Variants in NEGR1 observed in about 807,000 individuals in gnomAD.
NEGR1 encodes the protein IgLON family member 4.
NEGR1 carries 10 observed loss-of-function variants against 40.9 expected under a neutral mutation model. The observed-to-expected ratio is 0.24, with a 90% CI of 0.15 to 0.42. The LOEUF is 0.42. NEGR1 is among the 10% of genes least tolerant of loss of function. The pLI is 1.00. For missense variants in NEGR1, 352 were observed against 438.9 expected, an observed-to-expected ratio of 0.80 and a Z score of 1.77; for synonymous variants, 185 against 166.8, an observed-to-expected ratio of 1.11 and a Z score of -0.84.
At chr1:71,467,844 C>T (rs1413750951) in intron 6 of NEGR1, among the ~76,000 whole-genome samples, 7 of 151,990 alleles carry the variant, frequency 4.6e-5, no homozygotes, top group East Asian at 1.9e-4. Context: ...AAATCATCCT[C>T]ATAAATCAAA....
intron 1 of NEGR1, among the ~76,000 whole-genome samples, chr1:72,132,898 A>T (rs532597143): frequency 6.6e-6 from 1 of 152,208 alleles, no homozygotes; most frequent in African/African-American, 2.4e-5. Flanking sequence ...TTCCATATTA[A>T]ACAGTTGTGT....
At chr1:72,053,280 T>C (rs1251370144) in intron 1 of NEGR1, among the ~76,000 whole-genome samples, 1 of 151,156 alleles carries the variant, frequency 6.6e-6, no homozygotes, top group Non-Finnish European at 1.5e-5. Context: ...TGTCATCTTA[T>C]TCATTGCTTA....
rs901348964 is a variant in NEGR1, at chr1:72,244,356, C to A, written c.176+37963G>T. On this transcript the variant is annotated intron_variant, in intron 1 of 6. Coordinates refer to ENST00000357731, the MANE Select transcript of NEGR1 (RefSeq NM_173808.3). ...TCTTTCCTATCTATACAGGATGGTA[C>A]ATAATTCAGGATATTTCTACCCAAC... Among the ~76,000 whole-genome samples, 5 of 151,852 alleles carry A rather than the reference C, an allele frequency of 3.3e-5. No homozygotes were observed. The South Asian group carries it at 6.2e-4, about 19-fold the overall frequency.
chr1:71,937,170 A>G (rs1645913779), intron 1 of NEGR1, among the ~76,000 whole-genome samples: 3 of 152,190 alleles, frequency 2.0e-5, no homozygotes, highest in Admixed American at 6.6e-5. Flanking sequence ...TTTGCCATCT[A>G]CAGAAACCAA....
Position 72,115,491 on chromosome 1 carries a change from G to C in NEGR1, c.176+166828C>G, listed in dbSNP as rs1187340850. 2.0e-5 allele frequency among the ~76,000 whole-genome samples: 3 copies of C among 151,800 alleles called. No homozygotes were observed. The East Asian group carries it at 5.8e-4, about 30-fold the overall frequency. On this transcript the variant is annotated intron_variant, in intron 1 of 6. Transcript: ENST00000357731. ...CTCTGTAATCTTGTTAAGGCCATTG[G>C]AACACTAGTGCCAGTGATTCAGAAG...
rs571334439 is a variant in NEGR1, at chr1:71,978,525, C to T, written c.177-43214G>A. On this transcript the variant is annotated intron_variant, in intron 1 of 6. Coordinates refer to ENST00000357731, the MANE Select transcript of NEGR1 (RefSeq NM_173808.3). ...CTACCAAACTCAATTCAAAAAGCAA[C>T]CCCATTAAAAAGTGGGCAAAGGACA... 7.1e-4 allele frequency among the ~76,000 whole-genome samples: 108 copies of T among 152,110 alleles called. 1 individual carries two copies. The highest frequency in any genetic ancestry group is 2.6e-3 in the African/African-American group (106 of 41,504).
chr1:71,897,961 G>T (rs1661018070), intron 2 of NEGR1, among the ~76,000 whole-genome samples: 1 of 152,062 alleles, frequency 6.6e-6, no homozygotes, highest in Non-Finnish European at 1.5e-5. Context: ...TATAGTTTTG[G>T]TTCCTTTAGA....
intron 6 of NEGR1, chr1:71,573,369 T>C (rs958433240): frequency 1.3e-5 from 2 of 152,256 alleles, no homozygotes; most frequent in African/African-American, 4.8e-5. Flanking sequence ...TCAATGTTGA[T>C]TTTAGGCTAA....
At chr1:71,900,870 C>T (rs1214286741) in intron 2 of NEGR1, among the ~76,000 whole-genome samples, 1 of 152,154 alleles carries the variant, frequency 6.6e-6, no homozygotes, top group Non-Finnish European at 1.5e-5. Context: ...GAAACAAGAT[C>T]TGTTAGTAGG....
chr1:71,488,640 T>C (rs1215786244), intron 6 of NEGR1, among the ~76,000 whole-genome samples: 1 of 151,712 alleles, frequency 6.6e-6, no homozygotes, highest in Non-Finnish European at 1.5e-5. Context: ...TTAGCTATAT[T>C]ATCCAAATAT....
intron 1 of NEGR1, among the ~76,000 whole-genome samples, chr1:72,016,344 G>A (rs1461854353): frequency 6.6e-6 from 1 of 152,124 alleles, no homozygotes; most frequent in African/African-American, 2.4e-5. Flanking sequence ...AGACAGAGAA[G>A]CTAAGGATTA....
At chr1:71,741,833 T>C (rs1395292237) in intron 3 of NEGR1, among the ~76,000 whole-genome samples, 2 of 152,136 alleles carry the variant, frequency 1.3e-5, no homozygotes, top group Non-Finnish European at 2.9e-5. Flanking sequence ...ACACTTTACA[T>C]GGCTAGAGCG....
chr1:71,841,747 A>G (rs1659246919), intron 2 of NEGR1, among the ~76,000 whole-genome samples: 1 of 152,182 alleles, frequency 6.6e-6, no homozygotes, highest in Non-Finnish European at 1.5e-5. Flanking sequence ...TCGTAGAAAT[A>G]CAATTCTTGC....
intron 3 of NEGR1, among the ~76,000 whole-genome samples, chr1:71,771,287 G>A (rs543987573): frequency 6.6e-6 from 1 of 152,186 alleles, no homozygotes; most frequent in South Asian, 2.1e-4. Context: ...ATCACACACT[G>A]GGGCCTGTCA....
At chr1:72,088,796 CTTTTTTTTTTT>C (rs71074816) in intron 1 of NEGR1, among the ~76,000 whole-genome samples, 4 of 74,906 alleles carry the variant, frequency 5.3e-5, no homozygotes, top group East Asian at 1.4e-3. Flanking sequence ...CTCTCTCTCT[CTTTTTTTTTTT>C]TTTTTTTTTT....
chr1:71,911,659 A>C (rs563100255), intron 2 of NEGR1, among the ~76,000 whole-genome samples: 1 of 152,330 alleles, frequency 6.6e-6, no homozygotes, highest in East Asian at 1.9e-4. Flanking sequence ...AGCTGGAATT[A>C]GGATCTTTAG....
intron 1 of NEGR1, among the ~76,000 whole-genome samples, chr1:72,025,637 G>A (rs1646800713): frequency 6.6e-6 from 1 of 152,106 alleles, no homozygotes; most frequent in Admixed American, 6.5e-5. Context: ...TGATGGAATA[G>A]GGAAAATAAA....
intron 1 of NEGR1, among the ~76,000 whole-genome samples, chr1:72,173,646 G>GA (rs1485142604): frequency 6.6e-6 from 1 of 151,834 alleles, no homozygotes; most frequent in Non-Finnish European, 1.5e-5. Context: ...AAGGATAGAT[G>GA]AAAATAATAT....
chr1:71,886,726 C>T lies in NEGR1; in HGVS notation c.409+48353G>A, dbSNP rs531947609. 2.6e-5 allele frequency among the ~76,000 whole-genome samples: 4 copies of T among 152,208 alleles called. No individual in the cohort carries two copies. The East Asian group carries it at 5.8e-4, about 22-fold the overall frequency. The stretch of plus-strand genomic sequence containing the variant: ...TAGTAAAGATAAATAAGATATAAAA[C>T]TAGTTGAGAACTGTTCATTACCTTT... On this transcript the variant is annotated intron_variant, in intron 2 of 6. Transcript: ENST00000357731.
Sources: gnomAD v4.1 joint callset for allele counts (sites outside exome capture counted in the v4.1 genomes callset) on GRCh38, gnomAD v4.1.1 for gene constraint, MANE v1.5 for transcripts, NCBI Gene and HGNC (gene_info 2026-07-23, HGNC 2026-07-21) for gene names.